MCF2L2: variants seen among roughly 807,000 people sequenced by gnomAD.
The protein encoded by MCF2L2 is MCF.2 cell line derived transforming sequence-like 2.
In MCF2L2, 102 loss-of-function variants were observed where a neutral mutation model predicts 150.2. That is an observed-to-expected ratio of 0.68 (90% CI 0.58 to 0.80). The LOEUF is 0.80. MCF2L2 is among the 30% of genes least tolerant of loss of function. MCF2L2 has a pLI of 0.00. For missense variants in MCF2L2, 1,256 were observed against 1,372.8 expected, an observed-to-expected ratio of 0.91 and a Z score of 1.34; for synonymous variants, 465 against 491.3, an observed-to-expected ratio of 0.95 and a Z score of 0.71.
chr3:183,215,692 G>C (rs1722885732), intron 22 of MCF2L2, among the ~76,000 whole-genome samples: 1 of 152,112 alleles, frequency 6.6e-6, no homozygotes, highest in South Asian at 2.1e-4. Flanking sequence ...CTTTTCCTCT[G>C]CCCATATATG....
intron 23 of MCF2L2, among the ~76,000 whole-genome samples, chr3:183,206,612 C>T (rs1722482071): frequency 6.6e-6 from 1 of 152,152 alleles, no homozygotes; most frequent in African/African-American, 2.4e-5. Flanking sequence ...GTAATCAGTC[C>T]TGTAATTCCA....
rs369776124 is a variant in MCF2L2 at position 183,223,406 on chromosome 3, A to C, written c.2241T>G (p.Pro747=). Reference sequence around the variant, plus strand: ...TTGGTCCTTTGAGATACTTAAAAAGAGGGAGATTGTGATCCAGTTGGCGCT... The same window carrying C: ...TTGGTCCTTTGAGATACTTAAAAAGCGGGAGATTGTGATCCAGTTGGCGCT... ...VCQRQLDHNL[P]LFKYLKGPSQ... is the part of the protein sequence containing the mutation. The change falls in exon 20 of 30, where the codon CCT becomes CCG. Residue 747 remains proline, a synonymous_variant. Coordinates refer to ENST00000328913, the MANE Select transcript of MCF2L2 (RefSeq NM_015078.4). 1.2e-6 allele frequency: 2 copies of C among 1,614,180 alleles called. No homozygotes were observed. The highest frequency in any genetic ancestry group is 1.6e-4 in the Middle Eastern group (1 of 6,062).
intron 22 of MCF2L2, among the ~76,000 whole-genome samples, chr3:183,211,712 G>A (rs1323259744): frequency 1.3e-5 from 2 of 152,202 alleles, no homozygotes; most frequent in African/African-American, 4.8e-5. Context: ...TTTCAGATAC[G>A]TGTTCACCAG....
At chr3:183,229,171 G>T (rs1723458441) in intron 17 of MCF2L2, among the ~76,000 whole-genome samples, 1 of 152,126 alleles carries the variant, frequency 6.6e-6, no homozygotes, top group Non-Finnish European at 1.5e-5. Context: ...GTTTGAAGAT[G>T]ATTTCCAAAG....
At chr3:183,337,770 G>A (rs1312077993) in intron 5 of MCF2L2, among the ~76,000 whole-genome samples, 2 of 152,114 alleles carry the variant, frequency 1.3e-5, no homozygotes, top group Non-Finnish European at 2.9e-5. Context: ...GCTTCATGCA[G>A]ATGTGTGAAA....
intron 15 of MCF2L2, among the ~76,000 whole-genome samples, chr3:183,252,798 A>G (rs1724620846): frequency 6.6e-6 from 1 of 152,224 alleles, no homozygotes; most frequent in African/African-American, 2.4e-5. Flanking sequence ...AATATGTACA[A>G]TAACAGAATC....
intron 27 of MCF2L2, among the ~76,000 whole-genome samples, chr3:183,186,129 C>T (rs796618056): frequency 6.6e-6 from 1 of 152,112 alleles, no homozygotes; most frequent in East Asian, 1.9e-4. Context: ...GAGGGAAGGG[C>T]AAGCCAATAC....
At chr3:183,340,112 C>A (rs564948923) in intron 4 of MCF2L2, among the ~76,000 whole-genome samples, 1 of 152,162 alleles carries the variant, frequency 6.6e-6, no homozygotes, top group South Asian at 2.1e-4. Context: ...ACAATCCATG[C>A]GGCAATGGGA....
chr3:183,292,075 G>A (rs554477845), intron 13 of MCF2L2, among the ~76,000 whole-genome samples: 1 of 147,346 alleles, frequency 6.8e-6, no homozygotes, highest in African/African-American at 2.4e-5. Context: ...GTGTGAGAGT[G>A]TATGTGTGTG....
chr3:183,303,593 C>G (rs552982912), intron 10 of MCF2L2, among the ~76,000 whole-genome samples: 1 of 152,192 alleles, frequency 6.6e-6, no homozygotes, highest in African/African-American at 2.4e-5. Context: ...CAGTCATTCA[C>G]GAAGCCCCGC....
intron 15 of MCF2L2, among the ~76,000 whole-genome samples, chr3:183,242,258 C>A (rs1014486986): frequency 6.6e-6 from 1 of 152,186 alleles, no homozygotes; most frequent in Admixed American, 6.5e-5. Context: ...GAAATTCAAG[C>A]CTGCTGCAGA....
chr3:183,206,032 T>TA (rs1490203485), intron 24 of MCF2L2, 78 bp from the exon 25 acceptor site: 20 of 1,550,910 alleles, frequency 1.3e-5, no homozygotes, highest in Non-Finnish European at 1.8e-5. Context: ...CAGTGACCGT[T>TA]AGACTAATGA....
intron 2 of MCF2L2, among the ~76,000 whole-genome samples, chr3:183,389,279 A>G (rs1714010044): frequency 6.6e-6 from 1 of 152,220 alleles, no homozygotes; most frequent in African/African-American, 2.4e-5. Flanking sequence ...GTAAAAGACA[A>G]TTCTCCCAGA....
At chr3:183,273,253 A>T in intron 15 of MCF2L2, 1 of 368,298 alleles carries the variant, frequency 2.7e-6, no homozygotes. Context: ...GTTGGTTTGC[A>T]TCTTTTTTCC....
intron 1 of MCF2L2, among the ~76,000 whole-genome samples, chr3:183,394,319 C>T (rs1328126542): frequency 1.3e-5 from 2 of 152,220 alleles, no homozygotes; most frequent in Non-Finnish European, 2.9e-5. Flanking sequence ...TAACTTTGCA[C>T]GTCACAGATT....
At chr3:183,269,565 T>C (rs928808042) in intron 15 of MCF2L2, 3 of 443,198 alleles carry the variant, frequency 6.8e-6, no homozygotes, top group African/African-American at 6.2e-5. Context: ...AGGATGCCCG[T>C]GTGGAAGAAT....
rs1723388546 is a variant in MCF2L2 at position 183,227,533 on chromosome 3, TCTC to T, written c.2115+761_2115+763del. 6.6e-6 allele frequency: 1 copy of T among 152,208 alleles called. No individual in the cohort carries two copies. Among genetic ancestry groups the T allele is most frequent in the Non-Finnish European group, 1.5e-5 (1 of 68,034 alleles). 9.4% of individuals were successfully genotyped at this position (152,208 alleles called of 1,614,324 possible). ...AGGTTTTTAGTTTAACACCAGTGCT[TCTC>T]CTCTTGAGAGCATTAGTACAGCTTT... On this transcript the variant is annotated intron_variant, in intron 18 of 29. Coordinates refer to ENST00000328913, the MANE Select transcript of MCF2L2 (RefSeq NM_015078.4). The surrounding 1 kb of genome is among the most constrained non-coding windows in gnomAD (Gnocchi z 4.0).
chr3:183,288,759 C>A (rs759575043), intron 14 of MCF2L2, among the ~76,000 whole-genome samples: 1 of 152,118 alleles, frequency 6.6e-6, no homozygotes, highest in Non-Finnish European at 1.5e-5. Context: ...GGATTACAGG[C>A]GTGAACCACC....
intron 1 of MCF2L2, among the ~76,000 whole-genome samples, chr3:183,426,060 A>T (rs1009325914): frequency 1.3e-5 from 2 of 152,222 alleles, no homozygotes; most frequent in African/African-American, 4.8e-5. Context: ...TATTAGATTA[A>T]GTATGAGGAG....
Sources: gnomAD v4.1 joint callset for allele counts (sites outside exome capture counted in the v4.1 genomes callset) on GRCh38, gnomAD v4.1.1 for gene constraint, Gnocchi (gnomAD v3.1) non-coding constraint, MANE v1.5 for transcripts, NCBI Gene and HGNC (gene_info 2026-07-23, HGNC 2026-07-21) for gene names.